The following CASQ2 variants were observed in gnomAD, a reference collection of about 807,000 sequenced individuals.
The protein encoded by CASQ2 is calsequestrin-2.
Under a neutral mutation model 46.5 loss-of-function variants are expected in CASQ2, and 49 were observed. That is an observed-to-expected ratio of 1.05 (90% CI 0.84 to 1.34). The LOEUF (loss-of-function observed/expected upper bound fraction) is 1.34, where lower values mean the gene tolerates loss of function less well. Ranked by LOEUF, CASQ2 falls within the 40% of genes most tolerant of loss-of-function variation. CASQ2 has a pLI of 0.00. For synonymous variants in CASQ2, 174 were observed against 168.5 expected, an observed-to-expected ratio of 1.03 and a Z score of -0.25; for missense variants, 486 against 481.3, an observed-to-expected ratio of 1.01 and a Z score of -0.09.
intron 1 of CASQ2, among the ~76,000 whole-genome samples, chr1:115,764,197 T>C (rs1260979071): frequency 5.3e-5 from 8 of 152,114 alleles, no homozygotes; most frequent in African/African-American, 1.7e-4. Context: ...AGCGAAGATT[T>C]TTAAAACTCT....
chr1:115,739,282 T>TG lies in CASQ2; in HGVS notation c.421-948_421-947insC, dbSNP rs201877488. Among the ~76,000 whole-genome samples the TG allele has an allele frequency of 2.5e-3, 363 of 146,996 alleles. 2 individuals are homozygous for TG. Among genetic ancestry groups the TG allele is most frequent in the South Asian group, 6.6e-3 (30 of 4,558 alleles). Reference sequence around the variant, plus strand: ...ACCACCATGCCCAGCTAAGTTTTTTTATTTTTGTATTTTTAGTAGAGATGG... The same window carrying TG: ...ACCACCATGCCCAGCTAAGTTTTTTTGATTTTTGTATTTTTAGTAGAGATGG... On this transcript the variant is annotated intron_variant, in intron 3 of 10. Coordinates refer to ENST00000261448, the MANE Select transcript of CASQ2 (RefSeq NM_001232.4).
At chr1:115,723,561 A>G (rs7511722) in intron 7 of CASQ2, among the ~76,000 whole-genome samples, 5,705 of 151,570 alleles carry the variant, frequency 0.038, 354 homozygotes, top group African/African-American at 0.13. Flanking sequence ...TTTTTGAGAC[A>G]GGGTCTCACT....
intron 4 of CASQ2, among the ~76,000 whole-genome samples, chr1:115,736,451 A>C (rs1444243894): frequency 6.6e-6 from 1 of 152,042 alleles, no homozygotes; most frequent in Non-Finnish European, 1.5e-5. Context: ...AGCCTGACCA[A>C]CATGGTGAAA....
intron 1 of CASQ2, among the ~76,000 whole-genome samples, chr1:115,746,937 C>T (rs998069168): frequency 6.6e-6 from 1 of 151,950 alleles, no homozygotes; most frequent in Non-Finnish European, 1.5e-5. Flanking sequence ...ATTCAATATC[C>T]TAATCATTTC....
chr1:115,747,125 T>A (rs1648416785), intron 1 of CASQ2, among the ~76,000 whole-genome samples: 1 of 152,190 alleles, frequency 6.6e-6, no homozygotes, highest in African/African-American at 2.4e-5. Context: ...CATTTTATAT[T>A]TAAGTTCGTG....
chr1:115,719,739 C>G (rs942899994), intron 7 of CASQ2, among the ~76,000 whole-genome samples: 3 of 152,136 alleles, frequency 2.0e-5, no homozygotes, highest in African/African-American at 4.8e-5. Context: ...CAGTGAGAAC[C>G]CAGCTTGCAC....
chr1:115,711,214 G>T (rs760714571), intron 8 of CASQ2, among the ~76,000 whole-genome samples: 1 of 152,220 alleles, frequency 6.6e-6, no homozygotes, highest in African/African-American at 2.4e-5. Flanking sequence ...CAGGGTCTCT[G>T]CTCCTGTGAG....
intron 8 of CASQ2, 111 bp from the exon 9 acceptor site, chr1:115,705,403 C>T: frequency 1.4e-6 from 1 of 730,704 alleles, no homozygotes; most frequent in Non-Finnish European, 2.5e-6. Flanking sequence ...TGGTGCTCAC[C>T]CTCAATTATA....
intron 8 of CASQ2, among the ~76,000 whole-genome samples, chr1:115,706,621 AG>A (rs1654371036): frequency 6.6e-6 from 1 of 152,232 alleles, no homozygotes; most frequent in Non-Finnish European, 1.5e-5. Flanking sequence ...TAAATAATAA[AG>A]TTACATTTCT....
At chr1:115,710,231 C>G (rs1181947406) in intron 8 of CASQ2, among the ~76,000 whole-genome samples, 1 of 152,204 alleles carries the variant, frequency 6.6e-6, no homozygotes, top group African/African-American at 2.4e-5. Context: ...TGAACACTTA[C>G]TGGGTACTGA....
At position 115,711,723 on chromosome 1, in the gene CASQ2, C is replaced by T. The variant is rs147984460; in HGVS notation, c.838+6117G>A. Reference sequence around the variant, plus strand: ...AGGCTGGAGTGCAATGGTGTGGTCTCGGCTCACTGCAACCTCTGCCTCCCG... The same window carrying T: ...AGGCTGGAGTGCAATGGTGTGGTCTTGGCTCACTGCAACCTCTGCCTCCCG... On this transcript the variant is annotated intron_variant, in intron 8 of 10. Transcript: ENST00000261448. 4.9e-3 allele frequency among the ~76,000 whole-genome samples: 738 copies of T among 151,584 alleles called. 6 individuals carry two copies. Among genetic ancestry groups the T allele is most frequent in the African/African-American group, 0.017 (703 of 41,236 alleles).
At chr1:115,747,311 G>T (rs886130949) in intron 1 of CASQ2, among the ~76,000 whole-genome samples, 1 of 152,028 alleles carries the variant, frequency 6.6e-6, no homozygotes, top group African/African-American at 2.4e-5. Context: ...GTGGTTTCTC[G>T]ATTCTGTTCC....
At chr1:115,721,942 G>A (rs1042362215) in intron 7 of CASQ2, among the ~76,000 whole-genome samples, 1 of 152,180 alleles carries the variant, frequency 6.6e-6, no homozygotes, top group African/African-American at 2.4e-5. Flanking sequence ...CTGTGGCCAC[G>A]TGGCCCACAG....
intron 3 of CASQ2, among the ~76,000 whole-genome samples, chr1:115,739,798 G>C (rs12568485): frequency 6.6e-6 from 1 of 152,176 alleles, no homozygotes; most frequent in Non-Finnish European, 1.5e-5. Flanking sequence ...CTTCTACTTA[G>C]GTAAGTCAAT....
At chr1:115,752,582 G>C (rs1648621004) in intron 1 of CASQ2, among the ~76,000 whole-genome samples, 1 of 152,152 alleles carries the variant, frequency 6.6e-6, no homozygotes, top group Non-Finnish European at 1.5e-5. Context: ...ATAAGAAAAG[G>C]TTTGCAGGTG....
chr1:115,716,846 C>CA (rs920344999), intron 8 of CASQ2, among the ~76,000 whole-genome samples: 16 of 152,172 alleles, frequency 1.1e-4, no homozygotes, highest in African/African-American at 3.9e-4. Flanking sequence ...GTTCTATAGA[C>CA]AAAATTTAAG....
At position 115,701,093 on chromosome 1, in the gene CASQ2, C is replaced by G. The variant is rs1036432828; in HGVS notation, c.*148G>C. 23 of 1,216,482 alleles carry G rather than the reference C, an allele frequency of 1.9e-5. No individual in the cohort carries two copies. The highest frequency in any genetic ancestry group is 5.4e-4 in the Middle Eastern group (2 of 3,672). The allele number at this position is 1,216,482 out of a possible 1,614,324, so 75.4% of individuals were successfully genotyped here. Reference sequence around the variant, plus strand: ...AAGGCATTTGCTGAATGATGCTGCTCCTGACGCAAAGGGAGTGGGAAAAGA... The same window carrying G: ...AAGGCATTTGCTGAATGATGCTGCTGCTGACGCAAAGGGAGTGGGAAAAGA... On this transcript the variant is annotated 3_prime_UTR_variant, in exon 11 of 11. Transcript: ENST00000261448.
chr1:115,740,702 C>T (rs759687734), intron 3 of CASQ2, 26 bp downstream of exon 3: 1 of 1,404,280 alleles, frequency 7.1e-7, no homozygotes, highest in Non-Finnish European at 1.0e-6. Context: ...CAGCTCCATG[C>T]AGGGTCACTG....
chr1:115,727,198 A>G (rs1246219211), intron 5 of CASQ2, 76 bp from the exon 6 acceptor site: 1 of 1,145,652 alleles, frequency 8.7e-7, no homozygotes, highest in African/African-American at 1.5e-5. Flanking sequence ...ATCTAAGATA[A>G]GTGTGTATGT....
Sources: gnomAD v4.1 joint callset for allele counts (sites outside exome capture counted in the v4.1 genomes callset) on GRCh38, gnomAD v4.1.1 for gene constraint, MANE v1.5 for transcripts, NCBI Gene and HGNC (gene_info 2026-07-23, HGNC 2026-07-21) for gene names.